NHERF1: variants seen among roughly 807,000 people sequenced by gnomAD.
NHERF1 encodes NHERF family PDZ scaffold protein 1.
chr17:74,749,213 C>T, the NHERF1 span: 7 of 1,524,922 alleles, frequency 4.6e-6, no homozygotes, highest in South Asian at 7.2e-5. This position sits in a 1 kb window ranked among gnomAD's most constrained non-coding sequence, Gnocchi z 5.6. Context: ...GGCCGAGCCG[C>T]CGGCCGCCGC....
At chr17:74,755,398 C>A in the NHERF1 span, among the ~76,000 whole-genome samples, 1 of 152,164 alleles carries the variant, frequency 6.6e-6, no homozygotes, top group Non-Finnish European at 1.5e-5. Context: ...AGAGAGCCCC[C>A]CTCAAGGGTG....
At chr17:74,763,533 G>A in the NHERF1 span, 11 of 1,576,354 alleles carry the variant, frequency 7.0e-6, no homozygotes. Flanking sequence ...AAGCCAGGTG[G>A]GGCCACTGGC....
chr17:74,748,640 G>A, the NHERF1 span: 1 of 510,532 alleles, frequency 2.0e-6, no homozygotes, highest in Non-Finnish European at 3.4e-6. This position sits in a 1 kb window ranked among gnomAD's most constrained non-coding sequence, Gnocchi z 4.3. Flanking sequence ...ACGCCGCGCG[G>A]GGCGGGGATT....
At chr17:74,763,927 A>G in the NHERF1 span, among the ~76,000 whole-genome samples, 220 of 152,330 alleles carry the variant, frequency 1.4e-3, no homozygotes, top group African/African-American at 4.8e-3. Flanking sequence ...ATCAGAGTCC[A>G]GTGACGGGGG....
the NHERF1 span, chr17:74,763,389 G>A: frequency 4.3e-6 from 7 of 1,614,132 alleles, no homozygotes; most frequent in Non-Finnish European, 5.9e-6. Flanking sequence ...TGCATGGAGG[G>A]GAAGCAGCAT....
chr17:74,760,088 T>C, the NHERF1 span, among the ~76,000 whole-genome samples: 1 of 152,326 alleles, frequency 6.6e-6, no homozygotes, highest in African/African-American at 2.4e-5. The surrounding 1 kb of genome is among the most constrained non-coding windows in gnomAD (Gnocchi z 4.5). Context: ...TGACGGCGAC[T>C]GGTCAGACTT....
At chr17:74,760,988 G>A in the NHERF1 span, among the ~76,000 whole-genome samples, 256 of 152,354 alleles carry the variant, frequency 1.7e-3, no homozygotes, top group African/African-American at 5.7e-3. This position sits in a 1 kb window ranked among gnomAD's most constrained non-coding sequence, Gnocchi z 4.5. Flanking sequence ...GCCTGGAGGA[G>A]GGGGAGAGGG....
At chr17:74,759,643 G>A in the NHERF1 span, among the ~76,000 whole-genome samples, 1 of 152,144 alleles carries the variant, frequency 6.6e-6, no homozygotes, top group Non-Finnish European at 1.5e-5. Flanking sequence ...GGTAGGTTGT[G>A]GTTTCTTCAG....
the NHERF1 span, among the ~76,000 whole-genome samples, chr17:74,758,975 GCAACTGGCACTGACACCTCCT>G: frequency 6.6e-6 from 1 of 152,196 alleles, no homozygotes; most frequent in African/African-American, 2.4e-5. This position sits in a 1 kb window ranked among gnomAD's most constrained non-coding sequence, Gnocchi z 4.3. Flanking sequence ...GGCTGACTCA[GCAACTGGCACTGACACCTCCT>G]GGAGACAGCT....
the NHERF1 span, chr17:74,761,953 A>T: frequency 6.3e-7 from 1 of 1,581,834 alleles, no homozygotes; most frequent in Non-Finnish European, 8.7e-7. This position sits in a 1 kb window ranked among gnomAD's most constrained non-coding sequence, Gnocchi z 4.3. Context: ...GGCAGAGGAC[A>T]GGGAAGGCAG....
At chr17:74,752,949 A>G in the NHERF1 span, among the ~76,000 whole-genome samples, 1 of 152,238 alleles carries the variant, frequency 6.6e-6, no homozygotes, top group Non-Finnish European at 1.5e-5. Flanking sequence ...GAATGAATAT[A>G]TAACAACAGT....
At chr17:74,753,502 C>T in the NHERF1 span, among the ~76,000 whole-genome samples, 1 of 152,290 alleles carries the variant, frequency 6.6e-6, no homozygotes, top group African/African-American at 2.4e-5. Context: ...GTTGGGATCT[C>T]TTTCTTTGCT....
At chr17:74,768,613 A>G in the NHERF1 span, 1 of 1,614,172 alleles carries the variant, frequency 6.2e-7, no homozygotes, top group Non-Finnish European at 8.5e-7. Flanking sequence ...CGGGCCCCGC[A>G]GATGGACTGG....
the NHERF1 span, chr17:74,761,993 C>A: frequency 6.2e-7 from 1 of 1,613,394 alleles, no homozygotes; most frequent in Non-Finnish European, 8.5e-7. This position sits in a 1 kb window ranked among gnomAD's most constrained non-coding sequence, Gnocchi z 4.3. Context: ...TAGCCATGGA[C>A]CCTCCCCTGT....
At chr17:74,769,146 A>G in the NHERF1 span, 1 of 159,288 alleles carries the variant, frequency 6.3e-6, no homozygotes, top group Non-Finnish European at 1.4e-5. Flanking sequence ...TGCAGAGTCT[A>G]GAGGAATTTT....
the NHERF1 span, among the ~76,000 whole-genome samples, chr17:74,750,609 C>G: frequency 2.6e-5 from 4 of 152,128 alleles, no homozygotes; most frequent in Non-Finnish European, 5.9e-5. Context: ...GGGAAGGGAT[C>G]TGAGCACCCG....
At chr17:74,749,212 G>C in the NHERF1 span, 19 of 1,524,354 alleles carry the variant, frequency 1.2e-5, no homozygotes, top group Non-Finnish European at 1.7e-5. This position sits in a 1 kb window ranked among gnomAD's most constrained non-coding sequence, Gnocchi z 5.6. Flanking sequence ...AGGCCGAGCC[G>C]CCGGCCGCCG....
the NHERF1 span, among the ~76,000 whole-genome samples, chr17:74,753,708 G>T: frequency 6.7e-6 from 1 of 149,772 alleles, no homozygotes; most frequent in South Asian, 2.1e-4. Context: ...GGGCAACATA[G>T]TGAGACCTCG....
the NHERF1 span, chr17:74,762,227 C>T: frequency 1.3e-6 from 2 of 1,594,086 alleles, no homozygotes; most frequent in Non-Finnish European, 8.6e-7. The surrounding 1 kb of genome is among the most constrained non-coding windows in gnomAD (Gnocchi z 4.2). Flanking sequence ...TGCAGATCAG[C>T]AGCACCTGGG....
Sources: allele counts gnomAD v4.1 joint callset (sites outside exome capture counted in the v4.1 genomes callset), GRCh38; gene constraint gnomAD v4.1.1; non-coding constraint Gnocchi (gnomAD v3.1); transcripts MANE v1.5; gene names NCBI Gene and HGNC (gene_info 2026-07-23, HGNC 2026-07-21).